Variants in HCN2 observed in about 807,000 individuals in gnomAD.
HCN2 encodes the protein potassium/sodium hyperpolarization-activated cyclic nucleotide-gated channel 2.
Under a neutral mutation model 52.3 loss-of-function variants are expected in HCN2, and 20 were observed. The ratio of observed to expected loss-of-function variants is 0.38; its 90% CI spans 0.27 to 0.56. The LOEUF (loss-of-function observed/expected upper bound fraction) is 0.56, where lower values mean the gene tolerates loss of function less well. Among genes scored for constraint, HCN2 ranks in the 20% least tolerant of loss-of-function variants. HCN2 has a pLI of 0.71. For missense variants in HCN2, 981 were observed against 1,207.7 expected (o/e 0.81, Z 2.78); for synonymous variants, 694 against 537.0 (o/e 1.29, Z -4.04).
intron 6 of HCN2, 132 bp downstream of exon 6, chr19:613,620 TG>T (rs1164158693): frequency 2.0e-5 from 1 of 49,556 alleles, no homozygotes; most frequent in African/African-American, 1.6e-4. Context: ...GGGATGGGGA[TG>T]GGGATGGGGA....
Position 616,159 on chromosome 19 carries a change from C to T in HCN2, c.2355C>T (p.Ala785=). ...PPPASPPGAP[A]SPRAPRTSPY... ...CCGCCAGCCCCCCGGGCGCGCCCGCCAGCCCCCGGGCACCGCGGACCTCGC... is the reference window on the plus strand; with the variant it reads ...CCGCCAGCCCCCCGGGCGCGCCCGCTAGCCCCCGGGCACCGCGGACCTCGC... The change falls in exon 8 of 8, where the codon GCC becomes GCT. Residue 785 remains alanine (A), a synonymous_variant. Coordinates refer to ENST00000251287, the MANE Select transcript of HCN2 (RefSeq NM_001194.4). 3 of 968,486 alleles carry T rather than the reference C, an allele frequency of 3.1e-6. No individual in the cohort carries two copies. The highest frequency in any genetic ancestry group is 3.7e-6 in the Non-Finnish European group (3 of 817,364). 60.0% of individuals were successfully genotyped at this position (968,486 alleles called of 1,614,324 possible). A position where few individuals can be genotyped will look rare whatever the true frequency, so the allele number is the denominator to read the frequency against.
rs750444526 is a variant in HCN2 at position 610,321 on chromosome 19, C to T, written c.1500C>T (p.Ile500=). 2 of 1,613,852 alleles carry T rather than the reference C, an allele frequency of 1.2e-6. No homozygotes were observed. Among genetic ancestry groups the T allele is most frequent in the South Asian group, 2.2e-5 (2 of 91,082 alleles). The change falls in exon 5 of 8, where the codon ATC becomes ATT. Residue 500 remains isoleucine (I), a synonymous_variant. Transcript: ENST00000251287. ...TGCCAGCTGACTTCCGCCAGAAGATCCACGACTACTATGAGCACCGTTACC... is the reference window on the plus strand; with the variant it reads ...TGCCAGCTGACTTCCGCCAGAAGATTCACGACTACTATGAGCACCGTTACC... ...HKLPADFRQK[I]HDYYEHRYQG...
chr19:592,268 C>T lies in HCN2; in HGVS notation c.632+1691C>T, dbSNP rs1284590577. On this transcript the variant is annotated intron_variant, in intron 1 of 7. Transcript: ENST00000251287. This position sits in a 1 kb window ranked among gnomAD's most constrained non-coding sequence, Gnocchi z 4.8. ...TGACCTTCGACAGAGATGGGTGCAC[C>T]GCAGCGTGGGGGCTGGCAGGTGGAG... Among the ~76,000 whole-genome samples, 3 of 152,174 alleles carry T rather than the reference C, an allele frequency of 2.0e-5. No homozygotes were observed. The highest frequency in any genetic ancestry group is 4.8e-5 in the African/African-American group (2 of 41,436).
chr19:602,174 C>T (rs1048642059), intron 1 of HCN2, among the ~76,000 whole-genome samples: 2 of 110,694 alleles, frequency 1.8e-5, no homozygotes, highest in African/African-American at 6.7e-5. Flanking sequence ...TCCTCTCCTG[C>T]GTGGACGCCC....
chr19:616,153 G>A lies in HCN2; in HGVS notation c.2349G>A (p.Ala783=). Residue 783 remains alanine, a synonymous_variant, in exon 8 of 8, where the codon GCG becomes GCA. Transcript: ENST00000251287. ...GPPPPASPPG[A]PASPRAPRTS... The stretch of plus-strand genomic sequence containing the variant: ...CGCCCCCCGCCAGCCCCCCGGGCGC[G>A]CCCGCCAGCCCCCGGGCACCGCGGA... 17 of 904,268 alleles carry A rather than the reference G, an allele frequency of 1.9e-5. No individual in the cohort carries two copies. Among genetic ancestry groups the A allele is most frequent in the Non-Finnish European group, 2.1e-5 (16 of 769,934 alleles). The allele number at this position is 904,268 out of a possible 1,614,324, so 56.0% of individuals were successfully genotyped here. A position where few individuals can be genotyped will look rare whatever the true frequency, so the allele number is the denominator to read the frequency against.
Position 616,129 on chromosome 19 carries a change from GC to G in HCN2, c.2331del (p.Ala778ProfsTer36). The G allele has an allele frequency of 9.4e-6, 3 of 320,364 alleles. No homozygotes were observed. The highest frequency in any genetic ancestry group is 1.1e-5 in the Non-Finnish European group (3 of 281,412). The allele number at this position is 320,364 out of a possible 1,614,324, so 19.8% of individuals were successfully genotyped here. A position where few individuals can be genotyped will look rare whatever the true frequency, so the allele number is the denominator to read the frequency against. On this transcript the variant is annotated frameshift_variant, in exon 8 of 8. Transcript: ENST00000251287. LOFTEE classifies it low-confidence loss of function (END_TRUNC). ...CTGCCGCCGCCTCACCCGGGCCCCC[GC>G]CCCCCGCCAGCCCCCCGGGCGCGCC... ...APAAASPGPP[P>X]PASPPGAPAS...
In HCN2 at chr19:617,115, C is replaced by A; in HGVS notation, c.*641C>A. ...CCGTGGCCCCCCACGCCCCATTAAC[C>A]CCCACACCCCCATTCCGCGCAATAA... On this transcript the variant is annotated 3_prime_UTR_variant, in exon 8 of 8. Transcript: ENST00000251287. 2.1e-6 allele frequency: 1 copy of A among 471,558 alleles called. No individual in the cohort carries two copies. The highest frequency in any genetic ancestry group is 3.8e-6 in the Non-Finnish European group (1 of 260,254). 29.2% of individuals were successfully genotyped at this position (471,558 alleles called of 1,614,324 possible).
chr19:608,837 G>A (rs559030088), intron 4 of HCN2, among the ~76,000 whole-genome samples: 12 of 152,294 alleles, frequency 7.9e-5, no homozygotes, highest in Admixed American at 2.0e-4. Context: ...GCTTCAGGGA[G>A]AGCAAGGCTG....
intron 1 of HCN2, among the ~76,000 whole-genome samples, chr19:593,984 G>A (rs1434245666): frequency 2.6e-5 from 4 of 152,284 alleles, no homozygotes; most frequent in East Asian, 1.9e-4. Context: ...CACCCCAGCC[G>A]CCGCTGATTC....
In HCN2 at chr19:616,267, CGCCTCGCAG is replaced by C; in HGVS notation, c.2464_2472del (p.Ala822_Gln824del). On this transcript the variant is annotated inframe_deletion, in exon 8 of 8. Transcript: ENST00000251287. ...TGAGCCGCGCGTCGCGCCCACTGTC[CGCCTCGCAG>C]CCCTCGCTGCCTCACGGCGCCCCCG... 1 of 1,039,146 alleles carries C rather than the reference CGCCTCGCAG, an allele frequency of 9.6e-7. No individual in the cohort carries two copies. Among genetic ancestry groups the C allele is most frequent in the Non-Finnish European group, 1.2e-6 (1 of 868,290 alleles). 64.4% of individuals were successfully genotyped at this position (1,039,146 alleles called of 1,614,324 possible). A position where few individuals can be genotyped will look rare whatever the true frequency, so the allele number is the denominator to read the frequency against.
At chr19:604,011 T>TATAATGGTGCATGGGCGGGGCC (rs775163400) in intron 2 of HCN2, 44 bp downstream of exon 2, 2 of 1,408,486 alleles carry the variant, frequency 1.4e-6, no homozygotes, top group East Asian at 4.9e-5. Context: ...GGGGCGGGGC[T>TATAATGGTGCATGGGCGGGGCC]ATAATGGTGC....
rs1332730783 is a variant in HCN2, at chr19:592,931, G to A, written c.632+2354G>A. Among the ~76,000 whole-genome samples, 1 of 152,116 alleles carries A rather than the reference G, an allele frequency of 6.6e-6. No homozygotes were observed. The highest frequency in any genetic ancestry group is 1.5e-5 in the Non-Finnish European group (1 of 68,010). On this transcript the variant is annotated intron_variant, in intron 1 of 7. Transcript: ENST00000251287. This position sits in a 1 kb window ranked among gnomAD's most constrained non-coding sequence, Gnocchi z 4.8. ...GGCTGGGTGTCTTGGGTCCTCGCTGGGCCCCTCTGCCTCAGTTTCCCCAAT... is the reference window on the plus strand; with the variant it reads ...GGCTGGGTGTCTTGGGTCCTCGCTGAGCCCCTCTGCCTCAGTTTCCCCAAT...
At chr19:607,816 TG>T in intron 3 of HCN2, 147 bp from the exon 4 acceptor site, 2 of 623,858 alleles carry the variant, frequency 3.2e-6, no homozygotes, top group Non-Finnish European at 5.7e-6. Flanking sequence ...GTCATCTACC[TG>T]GGTCTCCATT....
intron 3 of HCN2, among the ~76,000 whole-genome samples, chr19:607,649 C>T (rs1983467076): frequency 6.6e-6 from 1 of 152,184 alleles, no homozygotes; most frequent in Admixed American, 6.5e-5. Flanking sequence ...GGAACTTTTG[C>T]CCCCTCTTGA....
At chr19:611,970 GC>G in intron 5 of HCN2, among the ~76,000 whole-genome samples, 1 of 152,184 alleles carries the variant, frequency 6.6e-6, no homozygotes, top group African/African-American at 2.4e-5. Flanking sequence ...ACATGGTGAA[GC>G]CCCGTCTCCA....
chr19:617,054 T>G lies in HCN2; in HGVS notation c.*580T>G. ...GGAGGCTGGGGTCCCGCCGCCGTGA[T>G]GAATGTACTGACGAGCCGAGGCAGC... is the stretch of plus-strand genomic sequence containing the variant. On this transcript the variant is annotated 3_prime_UTR_variant, in exon 8 of 8. Transcript: ENST00000251287. 3 of 557,842 alleles carry G rather than the reference T, an allele frequency of 5.4e-6. No individual in the cohort carries two copies. Among genetic ancestry groups the G allele is most frequent in the Non-Finnish European group, 9.7e-6 (3 of 308,848 alleles). 34.6% of individuals were successfully genotyped at this position (557,842 alleles called of 1,614,324 possible).
chr19:590,342 G>A lies in HCN2; in HGVS notation c.397G>A (p.Gly133Arg), dbSNP rs1982829645. Residue 133 changes from glycine (G) to arginine (R), a missense_variant, in exon 1 of 8, where the codon GGG becomes AGG. Gly to Arg is a moderately radical substitution (Grantham distance 125). Coordinates refer to ENST00000251287, the MANE Select transcript of HCN2 (RefSeq NM_001194.4). This position sits in a 1 kb window ranked among gnomAD's most constrained non-coding sequence, Gnocchi z 7.2. The part of the protein sequence containing the change: ...VSFSCRGAAS[G>R]PAPGPGPAEE... ...GTTCTCGTGCCGCGGGGCGGCCTCG[G>A]GGCCCGCGCCGGGGCCGGGGCCGGC... 2.8e-6 allele frequency: 3 copies of A among 1,070,914 alleles called. No individual in the cohort carries two copies. Among genetic ancestry groups the A allele is most frequent in the Admixed American group, 5.4e-5 (1 of 18,482 alleles). The allele number at this position is 1,070,914 out of a possible 1,614,324, so 66.3% of individuals were successfully genotyped here.
intron 5 of HCN2, among the ~76,000 whole-genome samples, chr19:611,502 ACCTCGGGCCCCGGGAATG>A (rs1983636330): frequency 6.6e-6 from 1 of 151,942 alleles, no homozygotes; most frequent in Non-Finnish European, 1.5e-5. Context: ...GACACTAGGG[ACCTCGGGCCCCGGGAATG>A]CCTCTGGGGG....
chr19:616,548 C>A lies in HCN2; in HGVS notation c.*74C>A. 1 of 896,966 alleles carries A rather than the reference C, an allele frequency of 1.1e-6. No individual in the cohort carries two copies. Among genetic ancestry groups the A allele is most frequent in the Non-Finnish European group, 1.4e-6 (1 of 709,440 alleles). The allele number at this position is 896,966 out of a possible 1,614,324, so 55.6% of individuals were successfully genotyped here. On this transcript the variant is annotated 3_prime_UTR_variant, in exon 8 of 8. Transcript: ENST00000251287. ...CATCCAGACCAAAGCCATGCCATTG[C>A]GCTGCCCCGGCCGCCAGTCCGCCCA...
Sources: gnomAD v4.1 joint callset for allele counts (sites outside exome capture counted in the v4.1 genomes callset) on GRCh38, gnomAD v4.1.1 for gene constraint, Gnocchi (gnomAD v3.1) non-coding constraint, MANE v1.5 for transcripts, NCBI Gene and HGNC (gene_info 2026-07-23, HGNC 2026-07-21) for gene names.